Variants in DLGAP1 observed in about 807,000 individuals in gnomAD.
DLGAP1 encodes DLG associated protein 1.
A neutral mutation model predicts 90.8 loss-of-function variants in DLGAP1; 11 were observed. The ratio of observed to expected loss-of-function variants is 0.12; its 90% CI spans 0.08 to 0.20. The LOEUF (loss-of-function observed/expected upper bound fraction) is 0.20. Ranked by LOEUF, DLGAP1 falls within the 10% of genes least tolerant of loss-of-function variation. The pLI is 1.00. For missense variants in DLGAP1, 1,050 were observed against 1,333.8 expected (o/e 0.79, Z 3.31); for synonymous variants, 558 against 540.7 (o/e 1.03, Z -0.44).
intron 7 of DLGAP1, among the ~76,000 whole-genome samples, chr18:3,702,324 C>T (rs1271184795): frequency 9.9e-5 from 15 of 152,244 alleles, no homozygotes; most frequent in African/African-American, 7.2e-5. Flanking sequence ...CCGCTCCTGA[C>T]GTCTACCTTG....
In DLGAP1 at chr18:4,039,363, C is replaced by T. The variant is rs150801304; in HGVS notation, c.-158-34162G>A. Reference sequence around the variant, plus strand: ...CTCTAGGGCTCAGCAGTACAGCTGCCATCCATCTCTGTCCTCCTTCAGAAG... The same window carrying T: ...CTCTAGGGCTCAGCAGTACAGCTGCTATCCATCTCTGTCCTCCTTCAGAAG... On this transcript the variant is annotated intron_variant, in intron 2 of 12. Coordinates refer to ENST00000315677, the MANE Select transcript of DLGAP1 (RefSeq NM_004746.4). Among the ~76,000 whole-genome samples the T allele has an allele frequency of 3.5e-3, 540 of 152,282 alleles. 1 individual carries two copies. Among genetic ancestry groups the T allele is most frequent in the Non-Finnish European group, 6.4e-3 (437 of 68,026 alleles).
rs1176697827 is a variant in DLGAP1, at chr18:3,580,820, C to T, written c.1965+1055G>A. On this transcript the variant is annotated intron_variant, in intron 8 of 12. Coordinates refer to ENST00000315677, the MANE Select transcript of DLGAP1 (RefSeq NM_004746.4). The stretch of plus-strand genomic sequence containing the variant: ...GCCGAAGCGTCTTCCACCTGCCGTG[C>T]GGACCGTGGAAAATAAAAGGCTCTG... 64 of 1,514,566 alleles carry T rather than the reference C, an allele frequency of 4.2e-5. 1 individual carries two copies. In the South Asian group the frequency reaches 4.8e-4, roughly 11 times the overall value. 93.8% of individuals were successfully genotyped at this position (1,514,566 alleles called of 1,614,324 possible).
chr18:4,073,811 AAGTC>A (rs1341194567), intron 2 of DLGAP1, among the ~76,000 whole-genome samples: 3 of 152,178 alleles, frequency 2.0e-5, no homozygotes, highest in African/African-American at 7.2e-5. Context: ...GAGTCAATGA[AAGTC>A]AGATTATTCA....
chr18:4,220,210 G>A (rs2144962475), intron 1 of DLGAP1, among the ~76,000 whole-genome samples: 1 of 152,178 alleles, frequency 6.6e-6, no homozygotes, highest in South Asian at 2.1e-4. Context: ...TTACCCCTAA[G>A]TATTTTGTAT....
At chr18:3,562,392 C>T (rs947843546) in intron 9 of DLGAP1, among the ~76,000 whole-genome samples, 4 of 152,008 alleles carry the variant, frequency 2.6e-5, no homozygotes, top group African/African-American at 7.2e-5. Flanking sequence ...TCCCACAATT[C>T]CCACCCGTTG....
rs147854589 is a variant in DLGAP1 at position 3,713,207 on chromosome 18, C to T, written c.1591+15928G>A. Reference sequence around the variant, plus strand: ...CTGCTTCTTTGCTGCTGTTCACAGCCGGATCAGCTGAGCTACAGTTTGCAC... The same window carrying T: ...CTGCTTCTTTGCTGCTGTTCACAGCTGGATCAGCTGAGCTACAGTTTGCAC... On this transcript the variant is annotated intron_variant, in intron 7 of 12. Transcript: ENST00000315677. Among the ~76,000 whole-genome samples, 16 of 152,264 alleles carry T rather than the reference C, an allele frequency of 1.1e-4. No individual in the cohort carries two copies. In the East Asian group the frequency reaches 2.3e-3, roughly 22 times the overall value.
At chr18:3,707,653 C>A (rs533633473) in intron 7 of DLGAP1, among the ~76,000 whole-genome samples, 14 of 151,670 alleles carry the variant, frequency 9.2e-5, no homozygotes, top group African/African-American at 3.4e-4. Context: ...TTGTGCATGT[C>A]TTTTCATTGC....
intron 4 of DLGAP1, chr18:3,874,119 C>A (rs1568269346): frequency 6.5e-7 from 1 of 1,549,430 alleles, no homozygotes; most frequent in Admixed American, 2.0e-5. Context: ...CACACTATTA[C>A]CAAATACAAA....
rs116553765 is a variant in DLGAP1, at chr18:4,307,339, C to T, written c.-267+147667G>A. Among the ~76,000 whole-genome samples the T allele has an allele frequency of 4.3e-3, 652 of 152,228 alleles. 5 individuals carry two copies. The highest frequency in any genetic ancestry group is 0.015 in the African/African-American group (617 of 41,530). On this transcript the variant is annotated intron_variant, in intron 1 of 12. Transcript: ENST00000315677. ...GTGACAGACTCCTTCTCCTCTTTCA[C>T]GTCACCTCAACCAAAAACTCTGTTC...
intron 1 of DLGAP1, among the ~76,000 whole-genome samples, chr18:4,444,996 T>C (rs11081118): frequency 0.18 from 27,436 of 152,188 alleles, 2,858 homozygotes; most frequent in East Asian, 0.5. Context: ...ACTTCCCATC[T>C]GGAACACAGA....
rs1184848277 is a variant in DLGAP1 at position 3,954,477 on chromosome 18, A to G, written c.-73+50639T>C. Among the ~76,000 whole-genome samples the G allele has an allele frequency of 3.3e-5, 5 of 152,232 alleles. No homozygotes were observed. The East Asian group carries it at 7.7e-4, about 23-fold the overall frequency. On this transcript the variant is annotated intron_variant, in intron 3 of 12. Transcript: ENST00000315677. ...TGTACTTCAATGAACATTAAACAAT[A>G]TTTTTACTAGTAAGTAAAATAATAA...
chr18:4,232,887 G>A (rs939038374), intron 1 of DLGAP1, among the ~76,000 whole-genome samples: 7 of 152,112 alleles, frequency 4.6e-5, no homozygotes, highest in Admixed American at 3.9e-4. Flanking sequence ...CCTCACTTCT[G>A]CAGAAATCTT....
intron 5 of DLGAP1, among the ~76,000 whole-genome samples, chr18:3,795,906 G>T (rs16945390): frequency 6.6e-6 from 1 of 151,970 alleles, no homozygotes. Flanking sequence ...GTATGATCTC[G>T]TTGGACATCT....
chr18:3,982,960 G>A (rs2073766560), intron 3 of DLGAP1: 2 of 151,978 alleles, frequency 1.3e-5, no homozygotes, highest in Admixed American at 1.3e-4. Flanking sequence ...AGAGTAAAGT[G>A]GTTTCACTAT....
chr18:3,911,055 C>A (rs1025741875), intron 3 of DLGAP1, among the ~76,000 whole-genome samples: 3 of 152,068 alleles, frequency 2.0e-5, no homozygotes, highest in African/African-American at 4.8e-5. Flanking sequence ...GTTGAGAAAG[C>A]CTTAGATGAG....
At chr18:3,779,235 C>CTGT (rs759775066) in intron 5 of DLGAP1, among the ~76,000 whole-genome samples, 46 of 152,120 alleles carry the variant, frequency 3.0e-4, no homozygotes, top group Middle Eastern at 3.4e-3. Context: ...ACCAGTTTTG[C>CTGT]TGTTGTTGTT....
At chr18:4,243,675 G>C (rs1208885893) in intron 1 of DLGAP1, among the ~76,000 whole-genome samples, 1 of 152,130 alleles carries the variant, frequency 6.6e-6, no homozygotes, top group Non-Finnish European at 1.5e-5. Flanking sequence ...TTCTTTCTAA[G>C]AGCACTTACT....
intron 3 of DLGAP1, among the ~76,000 whole-genome samples, chr18:3,948,034 C>T (rs987129870): frequency 4.6e-5 from 7 of 152,152 alleles, no homozygotes; most frequent in African/African-American, 1.4e-4. Flanking sequence ...ATTGAATGCA[C>T]ATCCCCAAAA....
chr18:4,297,305 A>G (rs1197772517), intron 1 of DLGAP1, among the ~76,000 whole-genome samples: 1 of 152,154 alleles, frequency 6.6e-6, no homozygotes, highest in African/African-American at 2.4e-5. Context: ...ACACCGAGCC[A>G]TGACCTGTAG....
Sources: gnomAD v4.1 joint callset for allele counts (sites outside exome capture counted in the v4.1 genomes callset) on GRCh38, gnomAD v4.1.1 for gene constraint, MANE v1.5 for transcripts, NCBI Gene and HGNC (gene_info 2026-07-23, HGNC 2026-07-21) for gene names.